Variants in RPL21 observed in about 807,000 individuals in gnomAD.
RPL21 encodes large ribosomal subunit protein eL21.
In RPL21, 1 loss-of-function variant was observed where a neutral mutation model predicts 21.2. That is an observed-to-expected ratio of 0.05 (90% confidence interval 0.02 to 0.22). RPL21 has a LOEUF of 0.22. RPL21 is among the 10% of genes least tolerant of loss of function. The pLI, the probability that RPL21 is intolerant of heterozygous loss-of-function variation, is 1.00. For synonymous variants in RPL21, 52 were observed against 62.9 expected, an observed-to-expected ratio of 0.83 and a Z score of 0.82; for missense variants, 113 against 199.4, an observed-to-expected ratio of 0.57 and a Z score of 2.61.
Position 27,256,216 on chromosome 13 carries a change from G to A in RPL21, c.275G>A (p.Arg92His), listed in dbSNP as rs770535899. Reference sequence around the variant, plus strand: ...ATTCTTGCCAAGAGAATTAATGTGCGTATTGAGCACATTAAGCACTCTAAG... The same window carrying A: ...ATTCTTGCCAAGAGAATTAATGTGCATATTGAGCACATTAAGCACTCTAAG... ...GKILAKRINV[R>H]IEHIKHSKSR... Residue 92 changes from arginine to histidine, a missense_variant, in exon 5 of 6, where the codon CGT (arginine) becomes CAT (histidine). Coordinates refer to ENST00000311549, the MANE Select transcript of RPL21 (RefSeq NM_000982.4). 5 of 1,586,538 alleles carry A rather than the reference G, an allele frequency of 3.2e-6. No individual in the cohort carries two copies. Among genetic ancestry groups the A allele is most frequent in the Admixed American group, 1.7e-5 (1 of 58,534 alleles).
intron 2 of RPL21, 53 bp downstream of exon 2, chr13:27,253,896 T>A: frequency 9.8e-7 from 1 of 1,018,892 alleles, no homozygotes; most frequent in Non-Finnish European, 1.6e-6. Context: ...TGTGTTCTGT[T>A]GTGTTCAACA....
chr13:27,254,044 GGA>G (rs1371328444), intron 2 of RPL21, among the ~76,000 whole-genome samples, 174 bp from the exon 3 acceptor site: 1 of 152,198 alleles, frequency 6.6e-6, no homozygotes, highest in Admixed American at 6.5e-5. Context: ...ATTAAACTTT[GGA>G]GAGAGGTTGT....
intron 3 of RPL21, chr13:27,254,920 A>G (rs1881823770): frequency 3.4e-5 from 15 of 437,260 alleles, no homozygotes; most frequent in South Asian, 2.9e-4. Context: ...GTAGGGTGGG[A>G]AATTATGAGT....
intron 4 of RPL21, chr13:27,255,565 C>G (rs1566039393): frequency 1.4e-6 from 1 of 729,536 alleles, no homozygotes; most frequent in Admixed American, 1.7e-5. Context: ...CAGTTAGTTA[C>G]TAAGCGGTTT....
chr13:27,255,031 T>C (rs1342629373), intron 3 of RPL21: 2 of 739,106 alleles, frequency 2.7e-6, no homozygotes, highest in African/African-American at 3.4e-5. Flanking sequence ...TGTGTTCTTC[T>C]GTGACCTGGA....
chr13:27,255,874 G>A, intron 4 of RPL21: 1 of 332,468 alleles, frequency 3.0e-6, no homozygotes, highest in Non-Finnish European at 5.7e-6. Context: ...GCCTGGCCCA[G>A]CAGTTTTTAT....
At chr13:27,256,159 T>C in intron 4 of RPL21, 25 bp from the exon 5 acceptor site, 1 of 1,566,734 alleles carries the variant, frequency 6.4e-7, no homozygotes, top group East Asian at 2.3e-5. Context: ...GTTAAAGCAC[T>C]TAAAAGAATT....
intron 2 of RPL21, 129 bp downstream of exon 2, chr13:27,253,972 G>T (rs766917925): frequency 2.7e-6 from 2 of 727,306 alleles, no homozygotes; most frequent in Non-Finnish European, 5.0e-6. Context: ...AGCTTATTTC[G>T]TGATAAGGTA....
intron 1 of RPL21, 156 bp from the exon 2 acceptor site, chr13:27,253,609 A>AT (rs1233535517): frequency 6.5e-6 from 4 of 612,956 alleles, no homozygotes; most frequent in African/African-American, 1.9e-5. Flanking sequence ...TAAAATAATG[A>AT]TTTTTTAACC....
chr13:27,253,598 C>T (rs1229754120), intron 1 of RPL21, 167 bp from the exon 2 acceptor site: 1 of 585,118 alleles, frequency 1.7e-6, no homozygotes, highest in Non-Finnish European at 3.1e-6. Flanking sequence ...ACCTTACTTG[C>T]TAAAATAATG....
chr13:27,251,991 C>T (rs1380400577), intron 1 of RPL21: 1 of 152,264 alleles, frequency 6.6e-6, no homozygotes, highest in Non-Finnish European at 1.5e-5. Context: ...TTCAGTGTGG[C>T]TTTTTTATTC....
At chr13:27,254,150 A>G in intron 2 of RPL21, 70 bp from the exon 3 acceptor site, 1 of 931,366 alleles carries the variant, frequency 1.1e-6, no homozygotes, top group Non-Finnish European at 1.8e-6. Flanking sequence ...GTTAAAAGCT[A>G]GTAAAATTGC....
intron 1 of RPL21, among the ~76,000 whole-genome samples, chr13:27,252,037 G>A (rs1286835366): frequency 2.0e-5 from 3 of 152,114 alleles, no homozygotes; most frequent in Admixed American, 6.5e-5. Context: ...GGACTTAAGG[G>A]GTAGTAGGAA....
chr13:27,251,991 C>CT (rs942296479), intron 1 of RPL21: 1 of 152,264 alleles, frequency 6.6e-6, no homozygotes, highest in Non-Finnish European at 1.5e-5. Flanking sequence ...TTCAGTGTGG[C>CT]TTTTTTATTC....
At chr13:27,255,561 G>A (rs201205790) in intron 4 of RPL21, 2 of 733,002 alleles carry the variant, frequency 2.7e-6, no homozygotes, top group African/African-American at 1.7e-5. Context: ...TACACAGTTA[G>A]TTACTAAGCG....
In RPL21 at chr13:27,256,165, G is replaced by T. The variant is rs192564082; in HGVS notation, c.243-19G>T. The T allele has an allele frequency of 4.5e-4, 706 of 1,575,200 alleles. 3 individuals carry two copies. The African/African-American group carries it at 7.2e-3, about 16-fold the overall frequency. ...TATATTTTTGTTAAAGCACTTAAAA[G>T]AATTTCTGCTCTGTCCAGGGGCAAG... On this transcript the variant is annotated intron_variant, in intron 4 of 5. Coordinates refer to ENST00000311549, the MANE Select transcript of RPL21 (RefSeq NM_000982.4).
chr13:27,254,760 C>A (rs547052248), intron 3 of RPL21, among the ~76,000 whole-genome samples: 1 of 151,486 alleles, frequency 6.6e-6, no homozygotes, highest in Non-Finnish European at 1.5e-5. Context: ...TCGGGTGATC[C>A]GCCGGACTCA....
intron 3 of RPL21, 56 bp downstream of exon 3, chr13:27,254,337 C>T (rs1881787644): frequency 1.0e-6 from 1 of 990,942 alleles, no homozygotes; most frequent in South Asian, 1.3e-5. Flanking sequence ...TGGATTTAAT[C>T]TAGTGTAGGA....
Position 27,256,459 on chromosome 13 carries a change from C to T in RPL21, c.417C>T (p.His139=). Residue 139 remains histidine, a synonymous_variant, in exon 6 of 6, where the codon CAC becomes CAT. Coordinates refer to ENST00000311549, the MANE Select transcript of RPL21 (RefSeq NM_000982.4). ...AGCCTGCTCCACCCAGAGAAGCACA[C>T]TTTGTGAGAACCAATGGGAAGGAGC... The part of the protein sequence containing the change: ...KRQPAPPREA[H]FVRTNGKEPE... 6.3e-7 allele frequency: 1 copy of T among 1,579,736 alleles called. No homozygotes were observed. The highest frequency in any genetic ancestry group is 8.7e-7 in the Non-Finnish European group (1 of 1,149,432).
Sources: gnomAD v4.1 joint callset for allele counts (sites outside exome capture counted in the v4.1 genomes callset) on GRCh38, gnomAD v4.1.1 for gene constraint, MANE v1.5 for transcripts, NCBI Gene and HGNC (gene_info 2026-07-23, HGNC 2026-07-21) for gene names.